Variants in SPPL3 observed in about 807,000 individuals in gnomAD.
The protein encoded by SPPL3 is signal peptide peptidase-like 3.
Under a neutral mutation model 42.4 loss-of-function variants are expected in SPPL3, and 5 were observed. The observed-to-expected ratio is 0.12, with a 90% CI of 0.06 to 0.25. SPPL3 has a LOEUF of 0.25. SPPL3 is among the 10% of genes least tolerant of loss of function. SPPL3 has a pLI of 1.00. For synonymous variants in SPPL3, 195 were observed against 181.8 expected (o/e 1.07, Z -0.58); for missense variants, 235 against 489.0 (o/e 0.48, Z 4.90).
intron 1 of SPPL3, among the ~76,000 whole-genome samples, chr12:120,879,485 G>A (rs772886739): frequency 1.3e-5 from 2 of 152,096 alleles, no homozygotes; most frequent in African/African-American, 2.4e-5. Flanking sequence ...AACACGCTGA[G>A]CAAACTCTTC....
At chr12:120,773,977 A>G (rs1489329058) in intron 6 of SPPL3, among the ~76,000 whole-genome samples, 22 of 152,202 alleles carry the variant, frequency 1.4e-4, no homozygotes, top group Non-Finnish European at 3.1e-4. Context: ...GAAAGGTCAC[A>G]AGGTCTGAGC....
intron 1 of SPPL3, among the ~76,000 whole-genome samples, chr12:120,825,372 A>C (rs940349677): frequency 1.3e-5 from 2 of 152,208 alleles, no homozygotes; most frequent in Non-Finnish European, 2.9e-5. Context: ...ATTCAGAGAA[A>C]AATTTTTCTG....
At chr12:120,768,905 C>T (rs756037841) in intron 7 of SPPL3, 48 bp downstream of exon 7, 5 of 1,501,584 alleles carry the variant, frequency 3.3e-6, no homozygotes, top group Non-Finnish European at 4.6e-6. Context: ...ATGAATGCTT[C>T]ACTTCAACAC....
At chr12:120,845,572 C>T in intron 1 of SPPL3, 2 of 478,984 alleles carry the variant, frequency 4.2e-6, no homozygotes, top group Non-Finnish European at 4.0e-6. Flanking sequence ...GTCTTCCCTG[C>T]AGCATCCAGG....
chr12:120,900,759 A>G (rs1325949508), intron 1 of SPPL3, among the ~76,000 whole-genome samples: 3 of 146,868 alleles, frequency 2.0e-5, no homozygotes, highest in Non-Finnish European at 4.6e-5. Flanking sequence ...AATACAAAAT[A>G]AATAAATAAA....
At chr12:120,783,152 T>C (rs1209656761) in intron 5 of SPPL3, among the ~76,000 whole-genome samples, 2 of 152,214 alleles carry the variant, frequency 1.3e-5, no homozygotes, top group African/African-American at 4.8e-5. Context: ...CTTTTGGTTA[T>C]CACTAATTCC....
chr12:120,873,864 T>C (rs1873000561), intron 1 of SPPL3, among the ~76,000 whole-genome samples: 1 of 151,088 alleles, frequency 6.6e-6, no homozygotes, highest in East Asian at 2.0e-4. Flanking sequence ...ACAGCTAGAC[T>C]CCATCTCAAA....
At chr12:120,840,955 C>A (rs1871805233) in intron 1 of SPPL3, among the ~76,000 whole-genome samples, 1 of 151,908 alleles carries the variant, frequency 6.6e-6, no homozygotes, top group Non-Finnish European at 1.5e-5. Context: ...TTCATTCATT[C>A]ATTCATTAAT....
intron 1 of SPPL3, among the ~76,000 whole-genome samples, chr12:120,879,297 TC>T (rs374236836): frequency 2.0e-5 from 3 of 151,980 alleles, no homozygotes; most frequent in African/African-American, 7.2e-5. Context: ...ATTCCTCATC[TC>T]CCCCGCTCCA....
chr12:120,814,166 A>T (rs1870788051), intron 1 of SPPL3, among the ~76,000 whole-genome samples: 1 of 152,208 alleles, frequency 6.6e-6, no homozygotes, highest in Non-Finnish European at 1.5e-5. Flanking sequence ...TTCCCCCCAC[A>T]CCAGGCTTTG....
In SPPL3 at chr12:120,783,668, C is replaced by T; in HGVS notation, c.389+6G>A. Reference sequence around the variant, plus strand: ...ATAATTTAAGAGGAAAGTCCCAAGTCCTTACTTGTTCTGAGGTGAGCAGGG... The same window carrying T: ...ATAATTTAAGAGGAAAGTCCCAAGTTCTTACTTGTTCTGAGGTGAGCAGGG... On this transcript the variant is annotated splice_donor_region_variant and intron_variant, in intron 5 of 10. Transcript: ENST00000353487. 1 of 1,606,718 alleles carries T rather than the reference C, an allele frequency of 6.2e-7. No homozygotes were observed. The highest frequency in any genetic ancestry group is 8.5e-7 in the Non-Finnish European group (1 of 1,176,158).
At chr12:120,856,057 C>A (rs1872445736) in intron 1 of SPPL3, among the ~76,000 whole-genome samples, 1 of 152,174 alleles carries the variant, frequency 6.6e-6, no homozygotes, top group Admixed American at 6.5e-5. Flanking sequence ...TAGCCACTAG[C>A]CACATGGGAC....
intron 1 of SPPL3, among the ~76,000 whole-genome samples, chr12:120,829,670 C>G (rs990987641): frequency 6.6e-6 from 1 of 151,722 alleles, no homozygotes; most frequent in Non-Finnish European, 1.5e-5. Flanking sequence ...AAGACATAGA[C>G]CAGGAGAAAA....
At position 120,764,822 on chromosome 12, in the gene SPPL3, A is replaced by G; in HGVS notation, c.*177T>C. 1 of 641,508 alleles carries G rather than the reference A, an allele frequency of 1.6e-6. No individual in the cohort carries two copies. Among genetic ancestry groups the G allele is most frequent in the East Asian group, 2.9e-5 (1 of 34,030 alleles). The allele number at this position is 641,508 out of a possible 1,614,324, so 39.7% of individuals were successfully genotyped here. A position where few individuals can be genotyped will look rare whatever the true frequency, so the allele number is the denominator to read the frequency against. On this transcript the variant is annotated 3_prime_UTR_variant, in exon 11 of 11. Transcript: ENST00000353487. ...TCCGCAGGAAGAGAAGGAACCAAACAGGGCTCCAGCACCTCTCTCCTGCAA... is the reference window on the plus strand; with the variant it reads ...TCCGCAGGAAGAGAAGGAACCAAACGGGGCTCCAGCACCTCTCTCCTGCAA...
intron 1 of SPPL3, among the ~76,000 whole-genome samples, chr12:120,893,987 T>C (rs1288019019): frequency 6.6e-6 from 1 of 152,212 alleles, no homozygotes; most frequent in Non-Finnish European, 1.5e-5. Flanking sequence ...TCACAACTAA[T>C]CTTTACTTCT....
rs371298369 is a variant in SPPL3, at chr12:120,863,558, A to G, written c.23+40287T>C. The stretch of plus-strand genomic sequence containing the variant: ...ATGAAGAAAATTCAACTGCATGCAT[A>G]TCTATAGTTTAAAATGTGAGTGGTA... On this transcript the variant is annotated intron_variant, in intron 1 of 10. Transcript: ENST00000353487. Among the ~76,000 whole-genome samples the G allele has an allele frequency of 3.3e-5, 5 of 152,284 alleles. No individual in the cohort carries two copies. The East Asian group carries it at 9.6e-4, about 29-fold the overall frequency.
At chr12:120,871,976 A>T (rs117815486) in intron 1 of SPPL3, among the ~76,000 whole-genome samples, 1,656 of 152,328 alleles carry the variant, frequency 0.011, 32 homozygotes, top group Non-Finnish European at 0.017. Context: ...CTGGTTCAAC[A>T]TCCCTAATTT....
intron 3 of SPPL3, among the ~76,000 whole-genome samples, chr12:120,789,460 A>AAAAAAAAAAG (rs1333185256): frequency 6.6e-6 from 1 of 150,940 alleles, no homozygotes; most frequent in African/African-American, 2.4e-5. Context: ...TCAAAAAAAA[A>AAAAAAAAAAG]AAGAAAAAAA....
At chr12:120,783,864 A>G (rs989296216) in intron 4 of SPPL3, 112 bp from the exon 5 acceptor site, 8 of 862,288 alleles carry the variant, frequency 9.3e-6, no homozygotes, top group Admixed American at 5.4e-5. Context: ...AATTGACTAG[A>G]GAAGAAAAAT....
Sources: allele counts gnomAD v4.1 joint callset (sites outside exome capture counted in the v4.1 genomes callset), GRCh38; gene constraint gnomAD v4.1.1; transcripts MANE v1.5; gene names NCBI Gene and HGNC (gene_info 2026-07-23, HGNC 2026-07-21).